Variants in PAK2 observed in about 807,000 individuals in gnomAD.
PAK2 encodes serine/threonine-protein kinase PAK 2.
A neutral mutation model predicts 65.9 loss-of-function variants in PAK2; 21 were observed. That is an observed-to-expected ratio of 0.32 (90% confidence interval 0.23 to 0.46). The LOEUF (loss-of-function observed/expected upper bound fraction) is 0.46. Ranked by LOEUF, PAK2 falls within the 20% of genes least tolerant of loss-of-function variation. PAK2 has a pLI of 1.00. For missense variants in PAK2, 324 were observed against 642.6 expected, an observed-to-expected ratio of 0.50 and a Z score of 5.36; for synonymous variants, 204 against 219.7, an observed-to-expected ratio of 0.93 and a Z score of 0.63.
At chr3:196,761,681 C>T (rs1713970073) in intron 1 of PAK2, among the ~76,000 whole-genome samples, 1 of 142,196 alleles carries the variant, frequency 7.0e-6, no homozygotes, top group African/African-American at 2.6e-5. Flanking sequence ...GCACACCTCC[C>T]AGACGGGGTG....
At position 196,739,913 on chromosome 3, in the gene PAK2, C is replaced by T. The variant is rs1470081982; in HGVS notation, c.-266C>T. The T allele has an allele frequency of 6.6e-6, 1 of 152,300 alleles. No individual in the cohort carries two copies. The highest frequency in any genetic ancestry group is 1.9e-4 in the East Asian group (1 of 5,172). 9.4% of individuals were successfully genotyped at this position (152,300 alleles called of 1,614,324 possible). A position where few individuals can be genotyped will look rare whatever the true frequency, so the allele number is the denominator to read the frequency against. Reference sequence around the variant, plus strand: ...AGCGGCGGCGGTTGTTCCGCTTCCCCTCCGGCCCGGGCCGTCGCCATTGCC... The same window carrying T: ...AGCGGCGGCGGTTGTTCCGCTTCCCTTCCGGCCCGGGCCGTCGCCATTGCC... On this transcript the variant is annotated 5_prime_UTR_variant, in exon 1 of 15. Coordinates refer to ENST00000327134, the MANE Select transcript of PAK2 (RefSeq NM_002577.4).
In PAK2 at chr3:196,811,266, TTCCCTTCCC is replaced by T. The variant is rs1560113729; in HGVS notation, c.773+637_773+645del. 7.1e-4 allele frequency among the ~76,000 whole-genome samples: 8 copies of T among 11,286 alleles called. 1 individual carries two copies. The South Asian group carries it at 0.011, about 15-fold the overall frequency. 7.4% of individuals were successfully genotyped at this position (11,286 alleles called of 152,430 possible). A position where few individuals can be genotyped will look rare whatever the true frequency, so the allele number is the denominator to read the frequency against. On this transcript the variant is annotated intron_variant, in intron 8 of 14. Transcript: ENST00000327134. Reference sequence around the variant, plus strand: ...TCCCTCCCTCCCCTCCCTCCCTTCCTTCCCTTCCCTCCCTTCCCTCCCTTCCCTCCCTCC... The same window carrying T: ...TCCCTCCCTCCCCTCCCTCCCTTCCTTCCCTTCCCTCCCTTCCCTCCCTCC...
At chr3:196,798,937 A>C (rs1255387182) in intron 2 of PAK2, among the ~76,000 whole-genome samples, 1 of 152,190 alleles carries the variant, frequency 6.6e-6, no homozygotes, top group Non-Finnish European at 1.5e-5. Context: ...ATTGGCATTA[A>C]ACTTAAGGGT....
intron 1 of PAK2, among the ~76,000 whole-genome samples, chr3:196,774,021 G>C (rs973930676): frequency 6.6e-5 from 10 of 152,226 alleles, no homozygotes; most frequent in Admixed American, 5.9e-4. Flanking sequence ...GACAGAACGA[G>C]ACTCCGTCTC....
intron 1 of PAK2, among the ~76,000 whole-genome samples, chr3:196,748,436 T>C (rs1713463467): frequency 2.6e-5 from 4 of 152,254 alleles, no homozygotes; most frequent in African/African-American, 9.6e-5. Context: ...TCCACCAGTA[T>C]CATACCGACT....
intron 1 of PAK2, among the ~76,000 whole-genome samples, chr3:196,759,488 G>GTT (rs1560092714): frequency 1.2e-4 from 13 of 111,112 alleles, no homozygotes; most frequent in African/African-American, 1.5e-4. Context: ...ACAGTTAAGT[G>GTT]GTTTTTTTTG....
intron 2 of PAK2, among the ~76,000 whole-genome samples, chr3:196,800,548 C>T (rs1184706397): frequency 6.6e-6 from 1 of 151,826 alleles, no homozygotes; most frequent in East Asian, 1.9e-4. Flanking sequence ...ACAGCTTTGA[C>T]AAAAGAAAAA....
chr3:196,791,922 CAA>C lies in PAK2; in HGVS notation c.187+9103_187+9104del, dbSNP rs11401261. On this transcript the variant is annotated intron_variant, in intron 2 of 14. Coordinates refer to ENST00000327134, the MANE Select transcript of PAK2 (RefSeq NM_002577.4). This position sits in a 1 kb window ranked among gnomAD's most constrained non-coding sequence, Gnocchi z 4.0. The stretch of plus-strand genomic sequence containing the variant: ...CCTGGGCGACAGAGCGAGACTCCGT[CAA>C]AAAAAAAAAAAAAGAAATAGAATTC... 3.5e-4 allele frequency among the ~76,000 whole-genome samples: 49 copies of C among 138,376 alleles called. No individual in the cohort carries two copies. The highest frequency in any genetic ancestry group is 5.8e-4 in the Admixed American group (8 of 13,712). 90.8% of individuals were successfully genotyped at this position (138,376 alleles called of 152,430 possible). A position where few individuals can be genotyped will look rare whatever the true frequency, so the allele number is the denominator to read the frequency against.
chr3:196,773,429 G>A (rs1714422648), intron 1 of PAK2, among the ~76,000 whole-genome samples: 1 of 152,122 alleles, frequency 6.6e-6, no homozygotes, highest in Non-Finnish European at 1.5e-5. Context: ...ATTTGACACT[G>A]TCAGAAGTAG....
intron 1 of PAK2, among the ~76,000 whole-genome samples, chr3:196,753,254 G>T (rs1264691910): frequency 6.6e-6 from 1 of 152,030 alleles, no homozygotes; most frequent in Non-Finnish European, 1.5e-5. Flanking sequence ...ACCGCGCCGG[G>T]CCTGAGAAAA....
chr3:196,761,883 G>A (rs1439488844), intron 1 of PAK2, among the ~76,000 whole-genome samples: 4 of 149,104 alleles, frequency 2.7e-5, no homozygotes, highest in African/African-American at 4.9e-5. Context: ...GGACGGAGAC[G>A]CTCCTCACTT....
At chr3:196,825,494 T>G (rs1413774963) in intron 13 of PAK2, among the ~76,000 whole-genome samples, 1 of 150,228 alleles carries the variant, frequency 6.7e-6, no homozygotes, top group African/African-American at 2.5e-5. Context: ...ATACAAAAAA[T>G]TAGCCGGGCA....
At chr3:196,796,580 T>C (rs1392582712) in intron 2 of PAK2, among the ~76,000 whole-genome samples, 3 of 152,202 alleles carry the variant, frequency 2.0e-5, no homozygotes, top group Non-Finnish European at 4.4e-5. Flanking sequence ...GTGAACATGA[T>C]AGTATATGAA....
At chr3:196,796,350 C>T (rs773277832) in intron 2 of PAK2, among the ~76,000 whole-genome samples, 2 of 152,104 alleles carry the variant, frequency 1.3e-5, no homozygotes, top group African/African-American at 4.8e-5. Context: ...ATTGTTTGGT[C>T]CCATTTATAT....
intron 3 of PAK2, 96 bp from the exon 4 acceptor site, chr3:196,802,921 A>T (rs530970950): frequency 1.4e-6 from 1 of 723,860 alleles, no homozygotes. Flanking sequence ...CACTCAAAAG[A>T]TTGGTTTGTT....
intron 2 of PAK2, among the ~76,000 whole-genome samples, chr3:196,795,216 GAGGCC>G (rs1458122622): frequency 6.6e-6 from 1 of 151,810 alleles, no homozygotes; most frequent in Non-Finnish European, 1.5e-5. Context: ...AGGATTTTGG[GAGGCC>G]AGTGTGGGAG....
At chr3:196,774,588 C>G (rs545057055) in intron 1 of PAK2, among the ~76,000 whole-genome samples, 3 of 152,248 alleles carry the variant, frequency 2.0e-5, no homozygotes, top group African/African-American at 4.8e-5. Context: ...CCAGGAAAGT[C>G]TTTGGTGTAT....
intron 1 of PAK2, among the ~76,000 whole-genome samples, chr3:196,746,826 A>G (rs1392377487): frequency 1.1e-5 from 1 of 91,236 alleles, no homozygotes; most frequent in Admixed American, 1.0e-4. Flanking sequence ...AAAAAAAAAA[A>G]AAAAGGATAG....
Position 196,812,319 on chromosome 3 carries a change from G to A in PAK2, c.822+52G>A, listed in dbSNP as rs745848227. 6.6e-6 allele frequency: 7 copies of A among 1,054,758 alleles called. No homozygotes were observed. The South Asian group carries it at 7.5e-5, about 11-fold the overall frequency. 65.3% of individuals were successfully genotyped at this position (1,054,758 alleles called of 1,614,324 possible). A position where few individuals can be genotyped will look rare whatever the true frequency, so the allele number is the denominator to read the frequency against. On this transcript the variant is annotated intron_variant, in intron 9 of 14. Coordinates refer to ENST00000327134, the MANE Select transcript of PAK2 (RefSeq NM_002577.4). ...GTTACCATTATTTTGTCATATAGGT[G>A]GAAACTAGATGAAGCTGGGAAGAAG...
Sources: gnomAD v4.1 joint callset for allele counts (sites outside exome capture counted in the v4.1 genomes callset) on GRCh38, gnomAD v4.1.1 for gene constraint, Gnocchi (gnomAD v3.1) non-coding constraint, MANE v1.5 for transcripts, NCBI Gene and HGNC (gene_info 2026-07-23, HGNC 2026-07-21) for gene names.